Variants in SUSD6 observed in about 807,000 individuals in gnomAD.
SUSD6 encodes the protein sushi domain containing 6, also known as sushi domain-containing protein 6.
A neutral mutation model predicts 28.4 loss-of-function variants in SUSD6; 16 were observed. The ratio of observed to expected loss-of-function variants is 0.56; its 90% CI spans 0.38 to 0.86. The LOEUF is 0.86. SUSD6 is among the 40% of genes least tolerant of loss of function. SUSD6 has a pLI of 0.00. For missense variants in SUSD6, 341 were observed against 384.2 expected (o/e 0.89, Z 0.94); for synonymous variants, 147 against 159.6 (o/e 0.92, Z 0.59).
chr14:69,676,119 G>C (rs1885905237), intron 2 of SUSD6, among the ~76,000 whole-genome samples: 1 of 152,124 alleles, frequency 6.6e-6, no homozygotes, highest in Non-Finnish European at 1.5e-5. Context: ...GAGTGATTCA[G>C]GTACTGAATG....
intron 1 of SUSD6, among the ~76,000 whole-genome samples, chr14:69,612,948 T>C (rs182367268): frequency 3.3e-5 from 5 of 152,308 alleles, no homozygotes; most frequent in African/African-American, 9.6e-5. Context: ...CTTTTCTGTT[T>C]TGGGAATTCC....
chr14:69,648,078 A>T (rs2139607257), intron 1 of SUSD6, among the ~76,000 whole-genome samples: 2 of 152,340 alleles, frequency 1.3e-5, no homozygotes, highest in Middle Eastern at 3.4e-3. Flanking sequence ...GATGATGATG[A>T]CAATAATAAT....
chr14:69,646,112 C>T (rs968892977), intron 1 of SUSD6, among the ~76,000 whole-genome samples: 8 of 152,132 alleles, frequency 5.3e-5, no homozygotes, highest in East Asian at 1.9e-4. Flanking sequence ...TAAAACTGTT[C>T]TTGATTAGGT....
chr14:69,672,161 C>G (rs971534235), intron 2 of SUSD6, among the ~76,000 whole-genome samples: 6 of 152,148 alleles, frequency 3.9e-5, no homozygotes, highest in African/African-American at 1.4e-4. Context: ...CCTTTGTATG[C>G]AAGATCAAAC....
At chr14:69,646,700 C>CTTTTTTTTTTTT (rs61409476) in intron 1 of SUSD6, among the ~76,000 whole-genome samples, 1 of 109,220 alleles carries the variant, frequency 9.2e-6, no homozygotes, top group Non-Finnish European at 1.7e-5. Flanking sequence ...TTTTTTCCAT[C>CTTTTTTTTTTTT]TTTTTTTTTT....
At chr14:69,623,472 A>G (rs1453784779) in intron 1 of SUSD6, among the ~76,000 whole-genome samples, 2 of 152,216 alleles carry the variant, frequency 1.3e-5, no homozygotes, top group Non-Finnish European at 2.9e-5. Context: ...ATAGTACATA[A>G]TACTTGATGA....
chr14:69,630,682 A>G (rs1306109618), intron 1 of SUSD6, among the ~76,000 whole-genome samples: 2 of 151,650 alleles, frequency 1.3e-5, no homozygotes, highest in East Asian at 1.9e-4. Context: ...ACATGGAAAA[A>G]AAAAAAGAAA....
chr14:69,669,167 G>A (rs1447508535), intron 2 of SUSD6, among the ~76,000 whole-genome samples: 2 of 146,304 alleles, frequency 1.4e-5, no homozygotes, highest in East Asian at 2.1e-4. Flanking sequence ...AGGTTCAAAC[G>A]ATTCTCCTGC....
chr14:69,639,326 A>AAG (rs2139601775), intron 1 of SUSD6, among the ~76,000 whole-genome samples: 1 of 146,438 alleles, frequency 6.8e-6, no homozygotes, highest in African/African-American at 2.4e-5. Flanking sequence ...AAAAAAAAAA[A>AAG]AAAAAAAAAA....
intron 5 of SUSD6, among the ~76,000 whole-genome samples, chr14:69,709,328 T>G (rs1410573245): frequency 1.3e-5 from 2 of 152,180 alleles, no homozygotes; most frequent in Non-Finnish European, 2.9e-5. Context: ...TCTGATCGTT[T>G]GGAGTCTCTG....
At chr14:69,676,685 G>A (rs535350469) in intron 2 of SUSD6, among the ~76,000 whole-genome samples, 104 of 152,268 alleles carry the variant, frequency 6.8e-4, no homozygotes, top group Admixed American at 1.3e-3. Flanking sequence ...ATGAGCCACC[G>A]CCCACAGCCT....
At chr14:69,636,544 A>G (rs1483300048) in intron 1 of SUSD6, among the ~76,000 whole-genome samples, 1 of 151,962 alleles carries the variant, frequency 6.6e-6, no homozygotes, top group Non-Finnish European at 1.5e-5. Context: ...TCTTAGAACA[A>G]CTCTTCATTT....
At chr14:69,646,393 C>T (rs1156785922) in intron 1 of SUSD6, among the ~76,000 whole-genome samples, 2 of 152,086 alleles carry the variant, frequency 1.3e-5, no homozygotes, top group Non-Finnish European at 2.9e-5. Flanking sequence ...TAGGTGAGCT[C>T]ATCTATTTTG....
At chr14:69,629,441 T>A (rs1885162862) in intron 1 of SUSD6, among the ~76,000 whole-genome samples, 2 of 152,192 alleles carry the variant, frequency 1.3e-5, no homozygotes, top group South Asian at 4.1e-4. Flanking sequence ...CAACATTATC[T>A]GCCTTTGAAA....
At chr14:69,688,978 G>A (rs1389757785) in intron 2 of SUSD6, among the ~76,000 whole-genome samples, 1 of 152,264 alleles carries the variant, frequency 6.6e-6, no homozygotes, top group South Asian at 2.1e-4. Flanking sequence ...GTTATCTCCT[G>A]CTAAACCTGG....
chr14:69,708,961 AG>A lies in SUSD6; in HGVS notation c.744del (p.Thr249LeufsTer2). On this transcript the variant is annotated frameshift_variant, in exon 5 of 6. Transcript: ENST00000342745. LOFTEE classifies it high-confidence loss of function. Reference protein sequence around the residue: ...LCEAWGSRASETVMVHQATTS... With the variant: ...LCEAWGSRASXTVMVHQATTS... ...GAAGCCTGGGGCTCTCGGGCCTCAGAGACTGTGATGGTGCATCAGGCAACCA... is the reference window on the plus strand; with the variant it reads ...GAAGCCTGGGGCTCTCGGGCCTCAGAACTGTGATGGTGCATCAGGCAACCA... 6.2e-7 allele frequency: 1 copy of A among 1,614,174 alleles called. No individual in the cohort carries two copies. The highest frequency in any genetic ancestry group is 8.5e-7 in the Non-Finnish European group (1 of 1,180,038).
intron 1 of SUSD6, among the ~76,000 whole-genome samples, chr14:69,618,986 C>T (rs1415212232): frequency 6.6e-6 from 1 of 152,184 alleles, no homozygotes; most frequent in Middle Eastern, 3.2e-3. Flanking sequence ...TATTCTACCT[C>T]CTCATTTTAA....
chr14:69,659,590 T>G (rs1388010943), intron 2 of SUSD6, among the ~76,000 whole-genome samples: 1 of 152,212 alleles, frequency 6.6e-6, no homozygotes, highest in Non-Finnish European at 1.5e-5. Flanking sequence ...CGATCGTGGC[T>G]CACTGCAACC....
At chr14:69,694,948 CAT>C (rs1311584616) in intron 2 of SUSD6, among the ~76,000 whole-genome samples, 1 of 152,164 alleles carries the variant, frequency 6.6e-6, no homozygotes, top group Non-Finnish European at 1.5e-5. Flanking sequence ...TATCCTGAGC[CAT>C]GGGTGGTTTC....
Sources: gnomAD v4.1 joint callset for allele counts (sites outside exome capture counted in the v4.1 genomes callset) on GRCh38, gnomAD v4.1.1 for gene constraint, MANE v1.5 for transcripts, NCBI Gene and HGNC (gene_info 2026-07-23, HGNC 2026-07-21) for gene names.